The following CAST variants were observed in gnomAD, a reference collection of about 807,000 sequenced individuals.
The protein encoded by CAST is calpastatin.
CAST carries 76 observed loss-of-function variants against 119.6 expected under a neutral mutation model. The ratio of observed to expected loss-of-function variants is 0.64; its 90% CI spans 0.53 to 0.77. CAST has a LOEUF of 0.77. Among genes scored for constraint, CAST ranks in the 30% least tolerant of loss-of-function variants. The pLI is 0.00. For synonymous variants in CAST, 319 were observed against 331.6 expected (o/e 0.96, Z 0.41); for missense variants, 953 against 946.5 (o/e 1.01, Z -0.09).
the CAST span, chr5:96,395,101 G>A: frequency 1.2e-5 from 14 of 1,126,774 alleles, no homozygotes; most frequent in Admixed American, 2.0e-4. Flanking sequence ...TAGCTAAAAA[G>A]GATTTCATTG....
At chr5:96,105,504 T>A in the CAST span, among the ~76,000 whole-genome samples, 3 of 152,208 alleles carry the variant, frequency 2.0e-5, no homozygotes, top group Non-Finnish European at 4.4e-5. Flanking sequence ...ATGCGGTTTT[T>A]GTCTTTGGTT....
At chr5:96,395,016 T>C in the CAST span, 1 of 1,613,082 alleles carries the variant, frequency 6.2e-7, no homozygotes, top group Admixed American at 1.7e-5. Flanking sequence ...TCATTTTGAA[T>C]TCTTCCAGAC....
At chr5:96,365,251 G>T in the CAST span, among the ~76,000 whole-genome samples, 2 of 152,280 alleles carry the variant, frequency 1.3e-5, no homozygotes, top group Admixed American at 6.5e-5. Context: ...CAACTATGTG[G>T]TCAATTTTGG....
chr5:95,969,646 T>C, the CAST span, among the ~76,000 whole-genome samples: 1 of 152,078 alleles, frequency 6.6e-6, no homozygotes, highest in African/African-American at 2.4e-5. Flanking sequence ...GTTGGCTGAT[T>C]TGGCAGCTTT....
At chr5:96,559,422 C>T (rs1260010018) in intron 1 of CAST, among the ~76,000 whole-genome samples, 2 of 152,184 alleles carry the variant, frequency 1.3e-5, no homozygotes, top group Admixed American at 6.5e-5. Flanking sequence ...CAAATTGTCC[C>T]TGTTTGCAGA....
chr5:96,748,005 T>C (rs1764143307), intron 18 of CAST, among the ~76,000 whole-genome samples: 1 of 152,178 alleles, frequency 6.6e-6, no homozygotes, highest in Non-Finnish European at 1.5e-5. Flanking sequence ...TCACATGCCC[T>C]TCTATCATGT....
At chr5:96,167,479 T>G in the CAST span, among the ~76,000 whole-genome samples, 2 of 152,236 alleles carry the variant, frequency 1.3e-5, no homozygotes, top group Non-Finnish European at 2.9e-5. Context: ...GGCTGTACCC[T>G]GTAGCATTCC....
At chr5:95,963,725 C>CTTTTTTTTTTTTTTTTTTTTTTTTTTTT in the CAST span, among the ~76,000 whole-genome samples, 1 of 129,986 alleles carries the variant, frequency 7.7e-6, no homozygotes, top group African/African-American at 3.0e-5. Flanking sequence ...TTCTCTCTCT[C>CTTTTTTTTTTTTTTTTTTTTTTTTTTTT]TTTTTTTTTT....
At chr5:95,989,060 T>C in the CAST span, among the ~76,000 whole-genome samples, 1 of 152,204 alleles carries the variant, frequency 6.6e-6, no homozygotes, top group Non-Finnish European at 1.5e-5. Context: ...ACTGTACTTG[T>C]TTAGTTAAGC....
chr5:96,397,316 A>C, the CAST span: 1 of 1,608,946 alleles, frequency 6.2e-7, no homozygotes, highest in Non-Finnish European at 8.5e-7. Flanking sequence ...GTGTTTTTTC[A>C]TCCTCTCATT....
At chr5:96,491,070 G>C in the CAST span, among the ~76,000 whole-genome samples, 2 of 152,002 alleles carry the variant, frequency 1.3e-5, no homozygotes, top group Admixed American at 6.5e-5. Context: ...ATAGGCAAAA[G>C]AGCAAAAGAG....
chr5:96,755,106 CA>C (rs1283908845), intron 22 of CAST: 1 of 159,632 alleles, frequency 6.3e-6, no homozygotes, highest in Non-Finnish European at 1.4e-5. Flanking sequence ...TTTAGAAGGC[CA>C]AGGCAGGAGC....
the CAST span, among the ~76,000 whole-genome samples, chr5:96,261,705 C>T: frequency 1.3e-5 from 2 of 152,200 alleles, no homozygotes; most frequent in East Asian, 3.9e-4. Flanking sequence ...TATATGTGGC[C>T]TTTCAGCACT....
At chr5:96,157,776 T>C in the CAST span, among the ~76,000 whole-genome samples, 7 of 152,358 alleles carry the variant, frequency 4.6e-5, no homozygotes, top group South Asian at 1.4e-3. Context: ...CAAGCTGTGG[T>C]GTTTAAAGAA....
rs771620048 is a variant in CAST, at chr5:96,741,519, A to G, written c.1037A>G (p.Gln346Arg). Reference protein sequence around the residue: ...KEESTEVLKAQSAGTVRSAAP... With the variant: ...KEESTEVLKARSAGTVRSAAP... ...GAATCTACAGAAGTTTTAAAAGCTC[A>G]GTCAGCAGGGACAGTCAGAAGTGCT... Residue 346 changes from glutamine (Q) to arginine (R), a missense_variant, in exon 15 of 32, where the codon CAG (glutamine) becomes CGG (arginine). Physicochemically the swap from Gln to Arg is conservative, Grantham distance 43 (BLOSUM62 1). Coordinates refer to ENST00000675179, the MANE Select transcript of CAST (RefSeq NM_001750.7). The G allele has an allele frequency of 6.2e-7, 1 of 1,613,656 alleles. No homozygotes were observed. The highest frequency in any genetic ancestry group is 8.5e-7 in the Non-Finnish European group (1 of 1,179,598).
chr5:96,770,556 G>A lies in CAST; in HGVS notation c.2294G>A (p.Ser765Asn). 6.2e-7 allele frequency: 1 copy of A among 1,613,034 alleles called. No individual in the cohort carries two copies. Among genetic ancestry groups the A allele is most frequent in the Non-Finnish European group, 8.5e-7 (1 of 1,179,194 alleles). Residue 765 changes from serine to asparagine, a missense_variant, in exon 30 of 32, where the codon AGC becomes AAC. By Grantham distance (46) the Ser-to-Asn change is conservative (BLOSUM62 1). Transcript: ENST00000675179. ...GATAAGTGCAAGAAGGCTGCTTCCA[G>A]CTCCAAAGCACCTAAGAATGGAGGT... The part of the protein sequence containing the change: ...AKDKCKKAAS[S>N]SKAPKNGGKA...
intron 28 of CAST, among the ~76,000 whole-genome samples, 187 bp from the exon 29 acceptor site, chr5:96,767,720 G>A (rs752402066): frequency 1.3e-5 from 2 of 151,796 alleles, no homozygotes; most frequent in Non-Finnish European, 1.5e-5. Flanking sequence ...AAGAGTAGAT[G>A]GAAAAAAAGC....
At chr5:96,681,936 C>G (rs752655394) in intron 2 of CAST, among the ~76,000 whole-genome samples, 5 of 150,022 alleles carry the variant, frequency 3.3e-5, no homozygotes, top group African/African-American at 1.2e-4. Context: ...TTTCAGTTAC[C>G]CACGGTACAA....
intron 22 of CAST, 42 bp downstream of exon 22, chr5:96,754,783 AC>A: frequency 6.3e-6 from 7 of 1,103,002 alleles, no homozygotes; most frequent in Non-Finnish European, 9.7e-6. Flanking sequence ...TTTAATTCAT[AC>A]TGAATTCATA....
Sources: allele counts gnomAD v4.1 joint callset (sites outside exome capture counted in the v4.1 genomes callset), GRCh38; gene constraint gnomAD v4.1.1; transcripts MANE v1.5; gene names NCBI Gene and HGNC (gene_info 2026-07-23, HGNC 2026-07-21).